The following ZFHX3 variants were observed in gnomAD, a reference collection of about 807,000 sequenced individuals.
ZFHX3 encodes the protein zinc finger homeobox 3, also known as zinc finger homeobox protein 3.
Under a neutral mutation model 279.1 loss-of-function variants are expected in ZFHX3, and 42 were observed. The ratio of observed to expected loss-of-function variants is 0.15; its 90% CI spans 0.12 to 0.19. The LOEUF (loss-of-function observed/expected upper bound fraction) is 0.19, where lower values mean the gene tolerates loss of function less well. Ranked by LOEUF, ZFHX3 falls within the 10% of genes least tolerant of loss-of-function variation. The pLI is 1.00. For synonymous variants in ZFHX3, 2,293 were observed against 1,957.8 expected, an observed-to-expected ratio of 1.17 and a Z score of -4.52; for missense variants, 4,981 against 4,754.0, an observed-to-expected ratio of 1.05 and a Z score of -1.40.
chr16:73,713,308 C>A (rs1371022921), intron 1 of ZFHX3, among the ~76,000 whole-genome samples: 1 of 152,186 alleles, frequency 6.6e-6, no homozygotes, highest in Non-Finnish European at 1.5e-5. Flanking sequence ...TTAATTATGC[C>A]TTTTTATTTT....
At chr16:73,125,524 AC>A (rs1329733972) in intron 7 of ZFHX3, among the ~76,000 whole-genome samples, 1 of 152,048 alleles carries the variant, frequency 6.6e-6, no homozygotes, top group Non-Finnish European at 1.5e-5. Flanking sequence ...AGGCAGACCC[AC>A]CCTTAACCTG....
At chr16:73,013,071 C>A (rs1475970874) in intron 1 of ZFHX3, among the ~76,000 whole-genome samples, 3 of 152,134 alleles carry the variant, frequency 2.0e-5, no homozygotes, top group African/African-American at 7.2e-5. Context: ...TCAGGAGGTA[C>A]AGACCTACCA....
rs777518907 is a variant in ZFHX3 at position 72,788,107 on chromosome 16, TTTTGCTGCTGCTGCTGCTGTA to T, written c.10148_10168del (p.Leu3383_Lys3390delinsGln). The T allele has an allele frequency of 3.1e-6, 5 of 1,608,610 alleles. No homozygotes were observed. Among genetic ancestry groups the T allele is most frequent in the Admixed American group, 1.7e-5 (1 of 59,896 alleles). On this transcript the variant is annotated inframe_deletion, in exon 10 of 10. Transcript: ENST00000268489. Reference sequence around the variant, plus strand: ...TGCTTTGGGCTGCTGCTGCTGCACTTTTTGCTGCTGCTGCTGCTGTAGTTGCCGCTGCTGCTGCTGCTGAAT... The same window carrying T: ...TGCTTTGGGCTGCTGCTGCTGCACTTGTTGCCGCTGCTGCTGCTGCTGAAT...
intron 1 of ZFHX3, among the ~76,000 whole-genome samples, chr16:73,011,245 A>G (rs1356905827): frequency 2.0e-5 from 3 of 151,670 alleles, no homozygotes; most frequent in Non-Finnish European, 2.9e-5. Context: ...CAGCCTCCCA[A>G]TGTGCTGGGA....
At chr16:73,295,482 G>T (rs763266412) in intron 4 of ZFHX3, among the ~76,000 whole-genome samples, 1 of 152,192 alleles carries the variant, frequency 6.6e-6, no homozygotes, top group African/African-American at 2.4e-5. Flanking sequence ...TTTCTCATTG[G>T]CTTTGAGAAT....
At chr16:73,413,513 G>A (rs2017511092) in intron 3 of ZFHX3, among the ~76,000 whole-genome samples, 1 of 152,212 alleles carries the variant, frequency 6.6e-6, no homozygotes. Flanking sequence ...TGTGGAAACA[G>A]CACTTAGAAG....
intron 1 of ZFHX3, among the ~76,000 whole-genome samples, chr16:73,055,205 T>C (rs1965522336): frequency 6.6e-6 from 1 of 152,132 alleles, no homozygotes; most frequent in African/African-American, 2.4e-5. Flanking sequence ...AGCTGCTTTG[T>C]AACCGGATCT....
At chr16:73,309,179 G>T (rs775267975) in intron 4 of ZFHX3, among the ~76,000 whole-genome samples, 1 of 152,060 alleles carries the variant, frequency 6.6e-6, no homozygotes, top group Non-Finnish European at 1.5e-5. Context: ...TGTCATCTGA[G>T]TACTAAGCCT....
intron 1 of ZFHX3, among the ~76,000 whole-genome samples, chr16:73,006,778 C>T (rs1008448525): frequency 1.3e-5 from 2 of 152,062 alleles, no homozygotes; most frequent in Non-Finnish European, 2.9e-5. Flanking sequence ...CCATAGATCC[C>T]GAAAATCTGA....
At chr16:73,701,872 TAA>T (rs11318282) in intron 1 of ZFHX3, among the ~76,000 whole-genome samples, 11 of 146,190 alleles carry the variant, frequency 7.5e-5, no homozygotes, top group Non-Finnish European at 1.1e-4. Flanking sequence ...GTTTGAGTCA[TAA>T]AAAAAAAAGC....
intron 2 of ZFHX3, among the ~76,000 whole-genome samples, chr16:73,669,370 A>T (rs1044336660): frequency 2.0e-5 from 3 of 152,104 alleles, no homozygotes; most frequent in African/African-American, 7.2e-5. Context: ...TGTATTTTCT[A>T]ATGTGGATCT....
At chr16:73,819,969 T>G (rs1451652511) in intron 1 of ZFHX3, among the ~76,000 whole-genome samples, 1 of 152,220 alleles carries the variant, frequency 6.6e-6, no homozygotes, top group Non-Finnish European at 1.5e-5. Flanking sequence ...CCAACTCTTC[T>G]GCAATGTGAC....
chr16:72,785,841 G>GATAA lies in ZFHX3; in HGVS notation c.*1319_*1322dup, dbSNP rs1028908595. 4 of 151,932 alleles carry GATAA rather than the reference G, an allele frequency of 2.6e-5. No individual in the cohort carries two copies. The highest frequency in any genetic ancestry group is 6.6e-5 in the Admixed American group (1 of 15,252). The allele number at this position is 151,932 out of a possible 1,614,324, so 9.4% of individuals were successfully genotyped here. A position where few individuals can be genotyped will look rare whatever the true frequency, so the allele number is the denominator to read the frequency against. On this transcript the variant is annotated 3_prime_UTR_variant, in exon 10 of 10. Transcript: ENST00000268489. ...ACAAAGAAAAAAAAGCCAAAAGAAG[G>GATAA]ATAAATAAAAAATAAATGCACAAAG...
chr16:73,352,127 C>T (rs1224938436), intron 3 of ZFHX3, among the ~76,000 whole-genome samples: 2 of 152,178 alleles, frequency 1.3e-5, no homozygotes, highest in East Asian at 1.9e-4. Flanking sequence ...TCTGGGGAAT[C>T]GCCATACTGG....
chr16:73,637,244 T>A (rs1348625697), intron 2 of ZFHX3, among the ~76,000 whole-genome samples: 1 of 149,912 alleles, frequency 6.7e-6, no homozygotes, highest in African/African-American at 2.5e-5. Flanking sequence ...TTTTTTTTTT[T>A]TTTTTGAGAC....
intron 3 of ZFHX3, among the ~76,000 whole-genome samples, chr16:72,949,163 G>A (rs372635315): frequency 1.0e-3 from 153 of 152,292 alleles, no homozygotes; most frequent in Non-Finnish European, 1.7e-3. Flanking sequence ...TATCAACCCC[G>A]GCAGAGGCCG....
intron 1 of ZFHX3, among the ~76,000 whole-genome samples, chr16:73,684,791 C>T (rs2053062394): frequency 6.6e-6 from 1 of 151,690 alleles, no homozygotes; most frequent in African/African-American, 2.4e-5. Flanking sequence ...ACCTCCACCT[C>T]CTGGGTTCAA....
intron 1 of ZFHX3, among the ~76,000 whole-genome samples, chr16:73,793,859 G>C (rs1006201567): frequency 1.3e-5 from 2 of 152,046 alleles, no homozygotes; most frequent in African/African-American, 4.8e-5. Context: ...CTTTAACCTT[G>C]ACTCTGAACG....
intron 2 of ZFHX3, among the ~76,000 whole-genome samples, chr16:73,647,999 T>C (rs1417669949): frequency 2.0e-5 from 3 of 152,190 alleles, no homozygotes; most frequent in African/African-American, 7.2e-5. Flanking sequence ...AAAATGTTAA[T>C]AATATTAAAC....
Sources: gnomAD v4.1 joint callset for allele counts (sites outside exome capture counted in the v4.1 genomes callset) on GRCh38, gnomAD v4.1.1 for gene constraint, MANE v1.5 for transcripts, NCBI Gene and HGNC (gene_info 2026-07-23, HGNC 2026-07-21) for gene names.